The following DEPDC1B variants were observed in gnomAD, a reference collection of about 807,000 sequenced individuals.
The protein encoded by DEPDC1B is DEP domain-containing protein 1B.
A neutral mutation model predicts 66.5 loss-of-function variants in DEPDC1B; 51 were observed. The ratio of observed to expected loss-of-function variants is 0.77; its 90% confidence interval spans 0.61 to 0.97. DEPDC1B has a LOEUF of 0.97. Among genes scored for constraint, DEPDC1B ranks in the 50% least tolerant of loss-of-function variants. DEPDC1B has a pLI of 0.00. For synonymous variants in DEPDC1B, 226 were observed against 223.6 expected, an observed-to-expected ratio of 1.01 and a Z score of -0.10; for missense variants, 552 against 637.1, an observed-to-expected ratio of 0.87 and a Z score of 1.44.
intron 7 of DEPDC1B, among the ~76,000 whole-genome samples, chr5:60,633,512 C>T (rs968782380): frequency 6.6e-6 from 1 of 152,156 alleles, no homozygotes; most frequent in African/African-American, 2.4e-5. Flanking sequence ...CTGCCTTCAC[C>T]GTGAGAACAT....
At chr5:60,643,549 T>C (rs774029645) in intron 5 of DEPDC1B, among the ~76,000 whole-genome samples, 20 of 152,210 alleles carry the variant, frequency 1.3e-4, no homozygotes, top group Middle Eastern at 3.2e-3. Context: ...CGAAGACACT[T>C]GTTGAATTGT....
At chr5:60,660,325 AG>A (rs1753684309) in intron 2 of DEPDC1B, among the ~76,000 whole-genome samples, 1 of 151,118 alleles carries the variant, frequency 6.6e-6, no homozygotes, top group African/African-American at 2.4e-5. Context: ...AGGGGGGGAG[AG>A]AGAGAGAGAG....
At chr5:60,633,704 TAAAG>T (rs1752975696) in intron 7 of DEPDC1B, among the ~76,000 whole-genome samples, 1 of 152,200 alleles carries the variant, frequency 6.6e-6, no homozygotes, top group African/African-American at 2.4e-5. Context: ...AGAGAAATGA[TAAAG>T]AAAGTGTTCT....
chr5:60,649,604 C>T (rs1053874775), intron 2 of DEPDC1B, among the ~76,000 whole-genome samples: 1 of 152,064 alleles, frequency 6.6e-6, no homozygotes, highest in Admixed American at 6.6e-5. Flanking sequence ...AGTTCAAATG[C>T]CACATTTTTC....
rs574137822 is a variant in DEPDC1B at position 60,689,878 on chromosome 5, C to A, written c.49-2651G>T. Among the ~76,000 whole-genome samples, 13 of 152,160 alleles carry A rather than the reference C, an allele frequency of 8.5e-5. No homozygotes were observed. In the South Asian group the frequency reaches 2.5e-3, roughly 29 times the overall value. ...GCATCATGGGGAAACCCCATTTCTA[C>A]AAAAAATTTAAAAATTGGCCAGGTG... On this transcript the variant is annotated intron_variant, in intron 1 of 10. Transcript: ENST00000265036.
At chr5:60,610,131 A>G (rs1752386494) in intron 7 of DEPDC1B, among the ~76,000 whole-genome samples, 1 of 152,214 alleles carries the variant, frequency 6.6e-6, no homozygotes, top group South Asian at 2.1e-4. Context: ...TAAAGAATGA[A>G]TGAATGAATG....
chr5:60,625,829 T>C (rs1292298934), intron 7 of DEPDC1B, among the ~76,000 whole-genome samples: 2 of 152,162 alleles, frequency 1.3e-5, no homozygotes, highest in South Asian at 4.1e-4. Context: ...TTCTTTTTTC[T>C]CTCTGTGCTT....
chr5:60,688,362 G>A (rs1754469750), intron 1 of DEPDC1B, among the ~76,000 whole-genome samples: 1 of 152,170 alleles, frequency 6.6e-6, no homozygotes, highest in Non-Finnish European at 1.5e-5. Context: ...ACTGGGTAGA[G>A]AGAGCTCAGG....
chr5:60,649,699 A>G (rs1177241504), intron 2 of DEPDC1B, among the ~76,000 whole-genome samples: 1 of 152,160 alleles, frequency 6.6e-6, no homozygotes, highest in Non-Finnish European at 1.5e-5. Context: ...ATCTTACACA[A>G]AGGATTTGCA....
intron 2 of DEPDC1B, among the ~76,000 whole-genome samples, chr5:60,667,272 T>A (rs945799672): frequency 4.6e-5 from 7 of 152,000 alleles, no homozygotes; most frequent in Non-Finnish European, 4.4e-5. Context: ...ACTTTTCTGT[T>A]CATCAAGATA....
rs571313823 is a variant in DEPDC1B at position 60,664,137 on chromosome 5, A to G, written c.315-16604T>C. On this transcript the variant is annotated intron_variant, in intron 2 of 10. Transcript: ENST00000265036. ...TAAAGAAGGCCCTAACCTATGCCCCAGTGTTAAGCTTGCCAACGGGGCAAG... is the reference window on the plus strand; with the variant it reads ...TAAAGAAGGCCCTAACCTATGCCCCGGTGTTAAGCTTGCCAACGGGGCAAG... Among the ~76,000 whole-genome samples the G allele has an allele frequency of 1.4e-4, 22 of 152,324 alleles. 1 individual carries two copies. In the South Asian group the frequency reaches 4.4e-3, roughly 30 times the overall value.
chr5:60,633,688 C>T (rs1010104650), intron 7 of DEPDC1B, among the ~76,000 whole-genome samples: 1 of 152,130 alleles, frequency 6.6e-6, no homozygotes, highest in African/African-American at 2.4e-5. Context: ...GATTTGTGAG[C>T]TGAAAAGAGA....
chr5:60,634,694 A>ATAAATAAATAAATAAC (rs1414596494), intron 7 of DEPDC1B, among the ~76,000 whole-genome samples: 1 of 151,156 alleles, frequency 6.6e-6, no homozygotes, highest in African/African-American at 2.4e-5. Flanking sequence ...AAATAAATAA[A>ATAAATAAATAAATAAC]TAAATAAATA....
chr5:60,676,363 A>G (rs1357556765), intron 2 of DEPDC1B, among the ~76,000 whole-genome samples: 2 of 151,968 alleles, frequency 1.3e-5, no homozygotes, highest in African/African-American at 4.8e-5. Context: ...CATGTACTCT[A>G]GAACTTAAAG....
intron 2 of DEPDC1B, among the ~76,000 whole-genome samples, chr5:60,652,578 A>C: frequency 6.7e-6 from 1 of 149,018 alleles, no homozygotes; most frequent in Non-Finnish European, 1.5e-5. Context: ...CTCAGTTTAT[A>C]AGGTTTCTTT....
intron 8 of DEPDC1B, among the ~76,000 whole-genome samples, chr5:60,604,366 G>A (rs1288000328): frequency 5.3e-5 from 8 of 151,136 alleles, no homozygotes; most frequent in South Asian, 4.2e-4. Flanking sequence ...GATTACAGGC[G>A]CCTGCCACCA....
intron 7 of DEPDC1B, among the ~76,000 whole-genome samples, chr5:60,637,621 T>C (rs1753073535): frequency 6.6e-6 from 1 of 152,202 alleles, no homozygotes; most frequent in Admixed American, 6.5e-5. Context: ...CAAATATTCA[T>C]CATTAGCCAT....
intron 1 of DEPDC1B, among the ~76,000 whole-genome samples, chr5:60,694,686 G>A (rs1420281935): frequency 6.6e-6 from 1 of 151,982 alleles, no homozygotes; most frequent in Non-Finnish European, 1.5e-5. Context: ...TTTCTATTGG[G>A]TTATCTCTTT....
intron 7 of DEPDC1B, among the ~76,000 whole-genome samples, chr5:60,625,266 C>T (rs751151633): frequency 4.5e-4 from 68 of 152,030 alleles, no homozygotes; most frequent in Non-Finnish European, 2.4e-4. Context: ...TACCCAGTAA[C>T]GGGATGGCTG....
Sources: gnomAD v4.1 joint callset for allele counts (sites outside exome capture counted in the v4.1 genomes callset) on GRCh38, gnomAD v4.1.1 for gene constraint, MANE v1.5 for transcripts, NCBI Gene and HGNC (gene_info 2026-07-23, HGNC 2026-07-21) for gene names.